Variants in ADGB observed in about 807,000 individuals in gnomAD.
ADGB encodes androglobin, also known as calpain-7-like protein.
In ADGB, 172 loss-of-function variants were observed where a neutral mutation model predicts 210.5. The observed-to-expected ratio is 0.82, with a 90% CI of 0.72 to 0.93. The LOEUF is 0.93. Ranked by LOEUF, ADGB falls within the 40% of genes least tolerant of loss-of-function variation. The pLI is 0.00. For synonymous variants in ADGB, 658 were observed against 662.7 expected, an observed-to-expected ratio of 0.99 and a Z score of 0.11; for missense variants, 2,025 against 1,964.8, an observed-to-expected ratio of 1.03 and a Z score of -0.58.
intron 17 of ADGB, among the ~76,000 whole-genome samples, chr6:146,722,756 A>G (rs1054652074): frequency 6.6e-6 from 1 of 152,212 alleles, no homozygotes; most frequent in African/African-American, 2.4e-5. Flanking sequence ...GAAATCAGAA[A>G]GGATTTCTGC....
chr6:146,788,345 C>A, intron 32 of ADGB, 44 bp from the exon 33 acceptor site: 1 of 1,513,880 alleles, frequency 6.6e-7, no homozygotes, highest in South Asian at 1.2e-5. Context: ...CATGTGATTT[C>A]ATGGAACGCC....
chr6:146,767,521 G>A (rs2114629380), intron 28 of ADGB, among the ~76,000 whole-genome samples: 1 of 152,146 alleles, frequency 6.6e-6, no homozygotes, highest in South Asian at 2.1e-4. Flanking sequence ...CCATTGTCCA[G>A]GCAATGGCGT....
chr6:146,725,984 T>C, intron 18 of ADGB, 99 bp from the exon 19 acceptor site: 1 of 662,384 alleles, frequency 1.5e-6, no homozygotes, highest in Non-Finnish European at 2.6e-6. Flanking sequence ...CCCTAACCTT[T>C]TACTTCATTT....
rs1386418370 is a variant in ADGB, at chr6:146,599,120, G to A, written c.74+6G>A. The A allele has an allele frequency of 2.6e-6, 4 of 1,551,144 alleles. No individual in the cohort carries two copies. The African/African-American group carries it at 5.5e-5, about 21-fold the overall frequency. ...GGATCGGATAAATCGAAAGAGTAAG[G>A]GACCTCTGCCTGTCCGTCCCTCCCC... On this transcript the variant is annotated splice_donor_region_variant and intron_variant, in intron 1 of 35. Coordinates refer to ENST00000397944, the MANE Select transcript of ADGB (RefSeq NM_024694.4).
At chr6:146,647,055 C>T (rs918909082) in intron 3 of ADGB, among the ~76,000 whole-genome samples, 2 of 149,668 alleles carry the variant, frequency 1.3e-5, no homozygotes, top group East Asian at 3.9e-4. Context: ...CGCCACTGCA[C>T]TCCAGCCTGG....
chr6:146,752,770 T>C (rs995663417), intron 27 of ADGB, 56 bp downstream of exon 27: 199 of 1,399,514 alleles, frequency 1.4e-4, no homozygotes, highest in Non-Finnish European at 1.7e-4. Context: ...ATTTATGTTT[T>C]CATGACACTT....
At position 146,788,640 on chromosome 6, in the gene ADGB, C is replaced by T. The variant is rs542189488; in HGVS notation, c.4537+30C>T. ...GTATTGCTGTCATTGGTAACATAAACATGTATTTTCAAATAAAAATTATGG... is the reference window on the plus strand; with the variant it reads ...GTATTGCTGTCATTGGTAACATAAATATGTATTTTCAAATAAAAATTATGG... On this transcript the variant is annotated intron_variant, in intron 33 of 35. Coordinates refer to ENST00000397944, the MANE Select transcript of ADGB (RefSeq NM_024694.4). 1.1e-5 allele frequency: 16 copies of T among 1,521,956 alleles called. No individual in the cohort carries two copies. The African/African-American group carries it at 1.9e-4, about 18-fold the overall frequency. The allele number at this position is 1,521,956 out of a possible 1,614,324, so 94.3% of individuals were successfully genotyped here. A position where few individuals can be genotyped will look rare whatever the true frequency, so the allele number is the denominator to read the frequency against.
chr6:146,685,363 G>A (rs1418829039), intron 9 of ADGB, among the ~76,000 whole-genome samples: 2 of 151,924 alleles, frequency 1.3e-5, no homozygotes, highest in Non-Finnish European at 2.9e-5. Context: ...ATAGAATAAA[G>A]ATCCTATCTA....
chr6:146,802,336 C>A, intron 35 of ADGB: 1 of 177,224 alleles, frequency 5.6e-6, no homozygotes, highest in Non-Finnish European at 1.2e-5. Flanking sequence ...CATACAAATC[C>A]TAAACTGTCA....
At chr6:146,685,914 G>A in intron 10 of ADGB, 86 bp downstream of exon 10, 2 of 733,454 alleles carry the variant, frequency 2.7e-6, no homozygotes, top group Non-Finnish European at 4.0e-6. Flanking sequence ...GTGGTAGAAG[G>A]CACATGAAAA....
intron 29 of ADGB, among the ~76,000 whole-genome samples, chr6:146,773,254 C>T (rs989831740): frequency 2.0e-5 from 3 of 148,080 alleles, no homozygotes; most frequent in African/African-American, 7.4e-5. Flanking sequence ...TACATAAATG[C>T]GTAGAAGAAG....
intron 33 of ADGB, among the ~76,000 whole-genome samples, chr6:146,789,565 A>T (rs1777925273): frequency 6.6e-6 from 1 of 152,208 alleles, no homozygotes; most frequent in African/African-American, 2.4e-5. Context: ...CTGAGAGGAA[A>T]ATTCTAAAAT....
chr6:146,700,836 A>G, intron 12 of ADGB, 105 bp from the exon 13 acceptor site: 1 of 1,297,630 alleles, frequency 7.7e-7, no homozygotes, highest in Non-Finnish European at 1.0e-6. Context: ...TGACAAATAG[A>G]ACACAATCAG....
At position 146,813,273 on chromosome 6, in the gene ADGB, G is replaced by A. The variant is rs1340008911; in HGVS notation, c.4819-1759G>A. ...TTCTCAGTTTGCTTACTTCTTCAGA[G>A]TGTTCTCTTACTTTAAGGCATGTTC... On this transcript the variant is annotated intron_variant, in intron 35 of 35. Coordinates refer to ENST00000397944, the MANE Select transcript of ADGB (RefSeq NM_024694.4). 5.3e-5 allele frequency among the ~76,000 whole-genome samples: 8 copies of A among 152,228 alleles called. No homozygotes were observed. The East Asian group carries it at 1.4e-3, about 26-fold the overall frequency.
chr6:146,691,019 C>T, intron 10 of ADGB, 97 bp from the exon 11 acceptor site: 1 of 952,342 alleles, frequency 1.1e-6, no homozygotes, highest in Non-Finnish European at 1.4e-6. Flanking sequence ...TTTCTTACTA[C>T]CACCATATTG....
In ADGB at chr6:146,664,286, T is replaced by A. The variant is rs187769685; in HGVS notation, c.698T>A (p.Phe233Tyr). Residue 233 changes from phenylalanine to tyrosine, a missense_variant, in exon 6 of 36, where the codon TTT becomes TAT. Physicochemically the swap from Phe to Tyr is conservative, Grantham distance 22. Transcript: ENST00000397944. ...TTGCTTCCAGCTACAACTTATGAAT[T>A]TGAACTGTGGCCAATGCTTTTGTCT... ...NLLLPATTYE[F>Y]ELWPMLLSKA... 194 of 1,550,062 alleles carry A rather than the reference T, an allele frequency of 1.3e-4. 1 individual carries two copies. The African/African-American group carries it at 2.3e-3, about 18-fold the overall frequency.
Position 146,752,724 on chromosome 6 carries a change from C to T in ADGB, c.3550+10C>T. On this transcript the variant is annotated intron_variant, in intron 27 of 35. Transcript: ENST00000397944. ...GGTTTGAGCTCCCAGTGTAAGTGTA[C>T]CTTTATGAACAGGATAGTTAGATTC... 2 of 1,537,286 alleles carry T rather than the reference C, an allele frequency of 1.3e-6. No individual in the cohort carries two copies. Among genetic ancestry groups the T allele is most frequent in the Non-Finnish European group, 1.8e-6 (2 of 1,140,752 alleles).
At chr6:146,670,837 G>A (rs769639075) in intron 7 of ADGB, among the ~76,000 whole-genome samples, 1 of 152,216 alleles carries the variant, frequency 6.6e-6, no homozygotes, top group East Asian at 1.9e-4. Flanking sequence ...ATTTTTAAAG[G>A]CTATACTAGA....
At chr6:146,627,564 C>A (rs918440960) in intron 1 of ADGB, among the ~76,000 whole-genome samples, 1 of 152,106 alleles carries the variant, frequency 6.6e-6, no homozygotes, top group South Asian at 2.1e-4. Flanking sequence ...AAGCAAGATA[C>A]TTTTCCCAGT....
Sources: allele counts gnomAD v4.1 joint callset (sites outside exome capture counted in the v4.1 genomes callset), GRCh38; gene constraint gnomAD v4.1.1; transcripts MANE v1.5; gene names NCBI Gene and HGNC (gene_info 2026-07-23, HGNC 2026-07-21).